DENND4A: variants seen among roughly 807,000 people sequenced by gnomAD.
DENND4A encodes the protein DENN domain containing 4A, also known as C-myc promoter-binding protein.
In DENND4A, 70 loss-of-function variants were observed where a neutral mutation model predicts 199.3. That is an observed-to-expected ratio of 0.35 (90% CI 0.29 to 0.43). The LOEUF (loss-of-function observed/expected upper bound fraction) is 0.43. Among genes scored for constraint, DENND4A ranks in the 20% least tolerant of loss-of-function variants. The pLI, the probability that DENND4A is intolerant of heterozygous loss-of-function variation, is 1.00. For synonymous variants in DENND4A, 686 were observed against 766.9 expected (o/e 0.89, Z 1.74); for missense variants, 1,723 against 2,255.8 (o/e 0.76, Z 4.78).
intron 14 of DENND4A, among the ~76,000 whole-genome samples, chr15:65,706,912 A>T (rs1355116799): frequency 6.6e-6 from 1 of 152,228 alleles, no homozygotes; most frequent in Non-Finnish European, 1.5e-5. Flanking sequence ...AGATGAATAC[A>T]TACCTTTTTA....
intron 1 of DENND4A, among the ~76,000 whole-genome samples, chr15:65,769,198 TACACACACACACACACACAC>T (rs3082834): frequency 6.8e-6 from 1 of 146,272 alleles, no homozygotes; most frequent in African/African-American, 2.5e-5. Flanking sequence ...ATATAAGGTA[TACACACACACACACACACAC>T]ACACACACAC....
chr15:65,743,584 T>C (rs895802136), intron 4 of DENND4A, among the ~76,000 whole-genome samples: 2 of 152,238 alleles, frequency 1.3e-5, no homozygotes, highest in Non-Finnish European at 2.9e-5. Context: ...CTTTCTAACA[T>C]ACTATACTTT....
At chr15:65,719,786 T>C (rs1043132311) in intron 12 of DENND4A, among the ~76,000 whole-genome samples, 8 of 152,066 alleles carry the variant, frequency 5.3e-5, no homozygotes, top group Admixed American at 4.6e-4. Context: ...TCCCAGCTTC[T>C]CAGGAGGCTG....
At chr15:65,778,851 G>A (rs1446208727) in intron 1 of DENND4A, among the ~76,000 whole-genome samples, 2 of 143,448 alleles carry the variant, frequency 1.4e-5, no homozygotes, top group Admixed American at 7.2e-5. Context: ...CTGAGATCAC[G>A]CCACTGCACT....
chr15:65,765,484 G>A (rs1014436308), intron 1 of DENND4A, among the ~76,000 whole-genome samples: 2 of 152,126 alleles, frequency 1.3e-5, no homozygotes, highest in East Asian at 1.9e-4. Context: ...ATAGAGAGCT[G>A]GTATACCTTT....
At position 65,765,973 on chromosome 15, in the gene DENND4A, G is replaced by A. The variant is rs374583672; in HGVS notation, c.-101-4535C>T. Among the ~76,000 whole-genome samples, 4 of 152,274 alleles carry A rather than the reference G, an allele frequency of 2.6e-5. No individual in the cohort carries two copies. The South Asian group carries it at 6.2e-4, about 24-fold the overall frequency. ...TTCTTACAAAATAGATGCAGAAGCC[G>A]GGCGCGGTGGCTCACGCCTGTAATC... On this transcript the variant is annotated intron_variant, in intron 1 of 32. Coordinates refer to ENST00000443035, the MANE Select transcript of DENND4A (RefSeq NM_001320835.1).
At chr15:65,725,065 G>T (rs1452641790) in intron 11 of DENND4A, among the ~76,000 whole-genome samples, 1 of 152,080 alleles carries the variant, frequency 6.6e-6, no homozygotes, top group Admixed American at 6.5e-5. Context: ...TCTTTCCTTT[G>T]ATATCTTCCC....
At chr15:65,756,561 A>G (rs576836583) in intron 2 of DENND4A, 89 bp from the exon 3 acceptor site, 3 of 838,272 alleles carry the variant, frequency 3.6e-6, no homozygotes, top group African/African-American at 3.4e-5. Context: ...AAAAACTACA[A>G]AAAGAGCACT....
At position 65,718,103 on chromosome 15, in the gene DENND4A, CTT is replaced by C. The variant is rs2075465671; in HGVS notation, c.1589-109_1589-108del. 6.3e-6 allele frequency: 5 copies of C among 789,552 alleles called. No homozygotes were observed. The South Asian group carries it at 7.7e-5, about 12-fold the overall frequency. 48.9% of individuals were successfully genotyped at this position (789,552 alleles called of 1,614,324 possible). A position where few individuals can be genotyped will look rare whatever the true frequency, so the allele number is the denominator to read the frequency against. On this transcript the variant is annotated intron_variant, in intron 12 of 32. Transcript: ENST00000443035. ...CAAAAGGACCCAAGCTACCTCAACTCTTTGTTTACATAACTTAATCATACGTA... is the reference window on the plus strand; with the variant it reads ...CAAAAGGACCCAAGCTACCTCAACTCTGTTTACATAACTTAATCATACGTA...
At chr15:65,663,191 TATATA>T (rs2075914343) in intron 32 of DENND4A, among the ~76,000 whole-genome samples, 3 of 125,122 alleles carry the variant, frequency 2.4e-5, no homozygotes, top group South Asian at 2.7e-4. Flanking sequence ...TATATATATA[TATATA>T]TATTTTTTTT....
chr15:65,684,651 T>C (rs1482595256), intron 23 of DENND4A, among the ~76,000 whole-genome samples: 2 of 152,182 alleles, frequency 1.3e-5, no homozygotes, highest in Non-Finnish European at 2.9e-5. Context: ...CCCCAGTCTG[T>C]GGCTTTTCAT....
chr15:65,789,886 T>C (rs1180261487), intron 1 of DENND4A, among the ~76,000 whole-genome samples: 1 of 152,158 alleles, frequency 6.6e-6, no homozygotes, highest in East Asian at 1.9e-4. Context: ...CCGGGTGCGG[T>C]AGCTCACGCC....
intron 23 of DENND4A, among the ~76,000 whole-genome samples, chr15:65,689,468 T>G (rs1345840737): frequency 6.6e-6 from 1 of 152,170 alleles, no homozygotes; most frequent in Admixed American, 6.5e-5. Context: ...TCTCTGTTGA[T>G]AGAGTAAAAG....
Position 65,671,888 on chromosome 15 carries a change from T to C in DENND4A, c.4370-2A>G. 6.4e-7 allele frequency: 1 copy of C among 1,566,090 alleles called. No individual in the cohort carries two copies. The highest frequency in any genetic ancestry group is 8.8e-7 in the Non-Finnish European group (1 of 1,136,314). ...GTAAGGCAAACTTCGACAGAGATCC[T>C]GTTCATTAGTGAAAAACAAAGAACA... On this transcript the variant is annotated splice_acceptor_variant, in intron 24 of 32. Transcript: ENST00000443035. LOFTEE classifies it high-confidence loss of function.
chr15:65,750,476 G>A (rs146467438), intron 4 of DENND4A, among the ~76,000 whole-genome samples: 92 of 151,564 alleles, frequency 6.1e-4, no homozygotes, highest in African/African-American at 2.1e-3. Context: ...AATGTACTCC[G>A]ATTTTAAAAT....
At chr15:65,763,118 C>G (rs9920210) in intron 1 of DENND4A, among the ~76,000 whole-genome samples, 30,112 of 151,876 alleles carry the variant, frequency 0.2, 4,013 homozygotes, top group East Asian at 0.73. Flanking sequence ...CTGTATTGTA[C>G]CAAGCACTAT....
At chr15:65,739,670 T>C (rs185381945) in intron 5 of DENND4A, among the ~76,000 whole-genome samples, 2 of 152,322 alleles carry the variant, frequency 1.3e-5, no homozygotes, top group African/African-American at 4.8e-5. Context: ...CTGCCACTAA[T>C]ATATCTGTGG....
At chr15:65,737,426 T>C (rs1333304341) in intron 7 of DENND4A, among the ~76,000 whole-genome samples, 4 of 152,122 alleles carry the variant, frequency 2.6e-5, no homozygotes, top group Non-Finnish European at 4.4e-5. Flanking sequence ...ATTTAAAAAT[T>C]AGTAAAAAAT....
chr15:65,754,628 C>T (rs912261538), intron 3 of DENND4A, among the ~76,000 whole-genome samples: 7 of 152,096 alleles, frequency 4.6e-5, no homozygotes, highest in Non-Finnish European at 8.8e-5. Flanking sequence ...GACATTTCTC[C>T]GAAGATATAC....
Sources: allele counts gnomAD v4.1 joint callset (sites outside exome capture counted in the v4.1 genomes callset), GRCh38; gene constraint gnomAD v4.1.1; transcripts MANE v1.5; gene names NCBI Gene and HGNC (gene_info 2026-07-23, HGNC 2026-07-21).